G3BP2: variants seen among roughly 807,000 people sequenced by gnomAD.
G3BP2 encodes ras GTPase-activating protein-binding protein 2.
A neutral mutation model predicts 56.7 loss-of-function variants in G3BP2; 11 were observed. The observed-to-expected ratio is 0.19, with a 90% CI of 0.12 to 0.32. The LOEUF (loss-of-function observed/expected upper bound fraction) is 0.32. Among genes scored for constraint, G3BP2 ranks in the 10% least tolerant of loss-of-function variants. G3BP2 has a pLI of 1.00. For synonymous variants in G3BP2, 165 were observed against 191.6 expected (o/e 0.86, Z 1.15); for missense variants, 340 against 610.9 (o/e 0.56, Z 4.67).
intron 3 of G3BP2, among the ~76,000 whole-genome samples, chr4:75,696,924 A>C (rs1719142298): frequency 6.6e-6 from 1 of 152,194 alleles, no homozygotes; most frequent in Non-Finnish European, 1.5e-5. Flanking sequence ...CATAAAGACA[A>C]GCTGAAGAAA....
chr4:75,651,034 T>C (rs1024344016), intron 8 of G3BP2, among the ~76,000 whole-genome samples: 4 of 152,334 alleles, frequency 2.6e-5, no homozygotes, highest in African/African-American at 9.6e-5. Context: ...GTGACAGCCC[T>C]GAGACCACCG....
In G3BP2 at chr4:75,713,703, C is replaced by G. The variant is rs560857425; in HGVS notation, c.-25+7174G>C. On this transcript the variant is annotated intron_variant, in intron 3 of 3. Coordinates refer to the G3BP2 transcript ENST00000499709. ...ACTCAGGAGGCTGAAGCAGGAGGAT[C>G]CCTTGAGCCCAGGAATTTGAAGTCA... is the stretch of plus-strand genomic sequence containing the variant. 6.2e-4 allele frequency among the ~76,000 whole-genome samples: 95 copies of G among 152,268 alleles called. 1 individual carries two copies. Among genetic ancestry groups the G allele is most frequent in the African/African-American group, 2.2e-3 (92 of 41,556 alleles).
intron 8 of G3BP2, among the ~76,000 whole-genome samples, chr4:75,652,903 T>C (rs954669930): frequency 5.9e-5 from 9 of 152,142 alleles, no homozygotes; most frequent in Non-Finnish European, 1.2e-4. Context: ...CTCTCTGAAA[T>C]GAAATAATCC....
intron 8 of G3BP2, 156 bp from the exon 9 acceptor site, chr4:75,648,897 A>C (rs1385579067): frequency 7.5e-6 from 4 of 536,614 alleles, no homozygotes; most frequent in Non-Finnish European, 1.3e-5. Flanking sequence ...ATAAATTTTT[A>C]TCAAGATATT....
rs1376002515 is a variant in G3BP2 at position 75,662,367 on chromosome 4, CAT to C, written c.-24-320_-24-319del. 1,366 of 185,932 alleles carry C rather than the reference CAT, an allele frequency of 7.3e-3. 19 individuals are homozygous for C. Among genetic ancestry groups the C allele is most frequent in the African/African-American group, 0.031 (1,290 of 42,106 alleles). 11.5% of individuals were successfully genotyped at this position (185,932 alleles called of 1,614,324 possible). On this transcript the variant is annotated intron_variant, in intron 1 of 11. Coordinates refer to ENST00000359707, the MANE Select transcript of G3BP2 (RefSeq NM_203505.3). ...CCTCCCGAGTAGCTGGGATTACAGGCATACGCCACCACACCTGGCTAATTATG... is the reference window on the plus strand; with the variant it reads ...CCTCCCGAGTAGCTGGGATTACAGGCACGCCACCACACCTGGCTAATTATG...
chr4:75,663,254 A>G (rs1273293704), intron 1 of G3BP2, among the ~76,000 whole-genome samples: 2 of 152,038 alleles, frequency 1.3e-5, no homozygotes, highest in African/African-American at 2.4e-5. Context: ...AAATAAATAC[A>G]ATTTCCTATT....
chr4:75,673,318 A>G lies in G3BP2; in HGVS notation c.-135T>C. ...CGCCCCCTTCCTCCGACAACTCGGA[A>G]GCCTCGGAAGCCGGAGAGCCGCGAG... is the stretch of plus-strand genomic sequence containing the variant. On this transcript the variant is annotated 5_prime_UTR_variant, in exon 1 of 12. Transcript: ENST00000359707. 8.1e-7 allele frequency: 1 copy of G among 1,228,880 alleles called. No individual in the cohort carries two copies. The highest frequency in any genetic ancestry group is 1.0e-6 in the Non-Finnish European group (1 of 986,492). The allele number at this position is 1,228,880 out of a possible 1,614,324, so 76.1% of individuals were successfully genotyped here. A position where few individuals can be genotyped will look rare whatever the true frequency, so the allele number is the denominator to read the frequency against.
In G3BP2 at chr4:75,673,407, G is replaced by A. The variant is rs536600782; in HGVS notation, c.-224C>T. The A allele has an allele frequency of 2.4e-6, 3 of 1,232,246 alleles. No individual in the cohort carries two copies. The highest frequency in any genetic ancestry group is 4.1e-5 in the South Asian group (1 of 24,320). The allele number at this position is 1,232,246 out of a possible 1,614,324, so 76.3% of individuals were successfully genotyped here. A position where few individuals can be genotyped will look rare whatever the true frequency, so the allele number is the denominator to read the frequency against. ...CGCTGCGACGTGCGACAAGGACCAC[G>A]GACGTCCCGCCCCCTTTGCCACCGC... On this transcript the variant is annotated 5_prime_UTR_variant, in exon 1 of 12. Transcript: ENST00000359707.
chr4:75,644,480 T>C lies in G3BP2; in HGVS notation c.*950A>G, dbSNP rs1731075988. ...TTTGGCTTTGCAGCACAGCAATTCATACACTATACTGTACAAAATTACCAG... is the reference window on the plus strand; with the variant it reads ...TTTGGCTTTGCAGCACAGCAATTCACACACTATACTGTACAAAATTACCAG... On this transcript the variant is annotated 3_prime_UTR_variant, in exon 12 of 12. Coordinates refer to ENST00000359707, the MANE Select transcript of G3BP2 (RefSeq NM_203505.3). 1 of 152,672 alleles carries C rather than the reference T, an allele frequency of 6.5e-6. No homozygotes were observed. The highest frequency in any genetic ancestry group is 1.5e-5 in the Non-Finnish European group (1 of 68,046). 9.5% of individuals were successfully genotyped at this position (152,672 alleles called of 1,614,324 possible).
In G3BP2 at chr4:75,643,344, T is replaced by TG. The variant is rs1443401746; in HGVS notation, c.*2085dup. On this transcript the variant is annotated 3_prime_UTR_variant, in exon 12 of 12. Coordinates refer to ENST00000359707, the MANE Select transcript of G3BP2 (RefSeq NM_203505.3). ...AAACAGAAATACAAGAAAATATGCT[T>TG]GGGGGAAAAAAAACATTGACAATAA... is the stretch of plus-strand genomic sequence containing the variant. 7.0e-6 allele frequency: 1 copy of TG among 142,830 alleles called. No homozygotes were observed. Among genetic ancestry groups the TG allele is most frequent in the African/African-American group, 2.6e-5 (1 of 37,870 alleles). 8.8% of individuals were successfully genotyped at this position (142,830 alleles called of 1,614,324 possible). A position where few individuals can be genotyped will look rare whatever the true frequency, so the allele number is the denominator to read the frequency against.
chr4:75,663,279 C>T (rs1333248903), intron 1 of G3BP2, among the ~76,000 whole-genome samples: 6 of 152,086 alleles, frequency 3.9e-5, no homozygotes, highest in Non-Finnish European at 2.9e-5. Context: ...TCTTCTGAGA[C>T]AGGGTCTCGC....
chr4:75,674,717 T>TATATATA (rs1733784906), upstream of G3BP2, among the ~76,000 whole-genome samples: 2 of 50,088 alleles, frequency 4.0e-5, no homozygotes, highest in African/African-American at 1.4e-4. Context: ...TATATATATA[T>TATATATA]ATTTTTTTTT....
chr4:75,707,804 G>A (rs1233709927), intron 3 of G3BP2, among the ~76,000 whole-genome samples: 4 of 152,058 alleles, frequency 2.6e-5, no homozygotes. Flanking sequence ...ACTTAGAGCA[G>A]AACTGGATTT....
chr4:75,686,756 G>GA (rs1218798332), intron 3 of G3BP2, among the ~76,000 whole-genome samples: 1 of 151,932 alleles, frequency 6.6e-6, no homozygotes, highest in African/African-American at 2.4e-5. Context: ...ATAAACCCTA[G>GA]AAAAAAATAA....
At chr4:75,661,152 G>A (rs929362132) in intron 2 of G3BP2, among the ~76,000 whole-genome samples, 1 of 152,094 alleles carries the variant, frequency 6.6e-6, no homozygotes, top group Non-Finnish European at 1.5e-5. Context: ...CTTTTGAGAC[G>A]AAGCCTCACT....
At chr4:75,676,336 ATTTTTT>A (rs34017434), upstream of G3BP2, among the ~76,000 whole-genome samples, 5 of 92,076 alleles carry the variant, frequency 5.4e-5, no homozygotes, top group Non-Finnish European at 1.0e-4. Context: ...ATTGCCAATA[ATTTTTT>A]TTTTTTTTTT....
At chr4:75,665,208 T>C (rs1732911306) in intron 1 of G3BP2, among the ~76,000 whole-genome samples, 1 of 152,186 alleles carries the variant, frequency 6.6e-6, no homozygotes, top group Non-Finnish European at 1.5e-5. Context: ...AGGTTCCTTG[T>C]TTCTTCCTTT....
At chr4:75,654,856 TTAAGTTA>T (rs1731966049) in intron 7 of G3BP2, 2 of 542,388 alleles carry the variant, frequency 3.7e-6, no homozygotes, top group African/African-American at 3.9e-5. Flanking sequence ...AGGATTCATC[TTAAGTTA>T]TAAGTTTCAC....
chr4:75,687,839 GC>G (rs1273361444), intron 3 of G3BP2, among the ~76,000 whole-genome samples: 1 of 152,196 alleles, frequency 6.6e-6, no homozygotes, highest in East Asian at 1.9e-4. Flanking sequence ...TGAGCCCCTG[GC>G]CTGTCCTGTG....
Sources: gnomAD v4.1 joint callset for allele counts (sites outside exome capture counted in the v4.1 genomes callset) on GRCh38, gnomAD v4.1.1 for gene constraint, MANE v1.5 for transcripts, NCBI Gene and HGNC (gene_info 2026-07-23, HGNC 2026-07-21) for gene names.